Variants in FOXN3 observed in about 807,000 individuals in gnomAD.
The protein encoded by FOXN3 is forkhead box N3, also known as forkhead box protein N3.
FOXN3 carries 7 observed loss-of-function variants against 38.4 expected under a neutral mutation model. The observed-to-expected ratio is 0.18, with a 90% confidence interval of 0.10 to 0.34. The LOEUF is 0.34. FOXN3 is among the 10% of genes least tolerant of loss of function. The pLI is 1.00. For synonymous variants in FOXN3, 230 were observed against 242.2 expected (o/e 0.95, Z 0.47); for missense variants, 456 against 613.4 (o/e 0.74, Z 2.71).
intron 3 of FOXN3, among the ~76,000 whole-genome samples, chr14:89,342,363 A>C (rs973952585): frequency 1.3e-5 from 2 of 152,186 alleles, no homozygotes; most frequent in African/African-American, 4.8e-5. Context: ...CATTTAAATA[A>C]AACAACACAG....
upstream of FOXN3, among the ~76,000 whole-genome samples, chr14:89,422,162 G>A (rs1327268169): frequency 5.9e-5 from 9 of 152,324 alleles, no homozygotes; most frequent in South Asian, 2.1e-4. Flanking sequence ...ATAAGCCACC[G>A]CACCTGGCCC....
intron 2 of FOXN3, among the ~76,000 whole-genome samples, chr14:89,371,272 T>C (rs1304961527): frequency 3.3e-5 from 5 of 152,158 alleles, no homozygotes; most frequent in Admixed American, 3.3e-4. Flanking sequence ...GGGAGGGATC[T>C]CTTCTGATTT....
At chr14:89,521,358 T>TAGAGAGAGAG (rs199686142) in intron 1 of FOXN3, among the ~76,000 whole-genome samples, 1,780 of 125,000 alleles carry the variant, frequency 0.014, 37 homozygotes, top group African/African-American at 0.045. Flanking sequence ...AGATGATAGA[T>TAGAGAGAGAG]AGAGAGAGAG....
At chr14:89,401,998 C>T (rs1248684916) in intron 2 of FOXN3, among the ~76,000 whole-genome samples, 2 of 152,196 alleles carry the variant, frequency 1.3e-5, no homozygotes, top group Non-Finnish European at 2.9e-5. Context: ...CAAGCACACA[C>T]ACACACATAC....
chr14:89,352,193 T>G (rs1167157682), intron 2 of FOXN3, among the ~76,000 whole-genome samples: 1 of 152,180 alleles, frequency 6.6e-6, no homozygotes, highest in African/African-American at 2.4e-5. Context: ...TAAACATCAA[T>G]GTTCTCAGTT....
At chr14:89,464,481 C>T (rs1234670347) in intron 1 of FOXN3, among the ~76,000 whole-genome samples, 1 of 152,154 alleles carries the variant, frequency 6.6e-6, no homozygotes, top group East Asian at 1.9e-4. Flanking sequence ...TTCCAAGAAA[C>T]CTTTGCTGAG....
intron 1 of FOXN3, among the ~76,000 whole-genome samples, chr14:89,607,976 C>T (rs1896307473): frequency 9.5e-6 from 1 of 105,610 alleles, no homozygotes; most frequent in Non-Finnish European, 2.2e-5. Context: ...GCCACAACAC[C>T]CAGCTAATTT....
In FOXN3 at chr14:89,163,596, G is replaced by A. The variant is rs912710794; in HGVS notation, c.852-627C>T. Among the ~76,000 whole-genome samples, 3 of 152,164 alleles carry A rather than the reference G, an allele frequency of 2.0e-5. No homozygotes were observed. Among genetic ancestry groups the A allele is most frequent in the African/African-American group, 2.4e-5 (1 of 41,434 alleles). On this transcript the variant is annotated intron_variant, in intron 5 of 5. Transcript: ENST00000557258. The surrounding 1 kb of genome is among the most constrained non-coding windows in gnomAD (Gnocchi z 4.3). ...GATCGGATATAGACACTGCCACAGC[G>A]ATGTTGCAGCCTAACAGAGAGGCAA...
intron 1 of FOXN3, among the ~76,000 whole-genome samples, chr14:89,461,636 G>C (rs1231965643): frequency 6.6e-6 from 1 of 152,086 alleles, no homozygotes; most frequent in Non-Finnish European, 1.5e-5. Flanking sequence ...TCAAAATGTA[G>C]CACAATAACT....
Position 89,468,083 on chromosome 14 carries a change from T to G in FOXN3, c.-14-55593A>C, listed in dbSNP as rs1893017778. Among the ~76,000 whole-genome samples the G allele has an allele frequency of 3.3e-5, 5 of 152,156 alleles. No individual in the cohort carries two copies. In the South Asian group the frequency reaches 1.0e-3, roughly 32 times the overall value. Reference sequence around the variant, plus strand: ...ATCTACATAATTTGATTATTTTTTTTTTTATAAATAGGATCCCACTTTCCT... The same window carrying G: ...ATCTACATAATTTGATTATTTTTTTGTTTATAAATAGGATCCCACTTTCCT... On this transcript the variant is annotated intron_variant, in intron 1 of 6. Coordinates refer to the FOXN3 transcript ENST00000345097.
At chr14:89,354,045 CA>C (rs1193853877) in intron 2 of FOXN3, among the ~76,000 whole-genome samples, 1 of 151,862 alleles carries the variant, frequency 6.6e-6, no homozygotes, top group Non-Finnish European at 1.5e-5. Context: ...TGGAAATATG[CA>C]AAGGATAGAA....
At chr14:89,598,225 T>A (rs952988779) in intron 1 of FOXN3, among the ~76,000 whole-genome samples, 5 of 152,164 alleles carry the variant, frequency 3.3e-5, no homozygotes, top group Admixed American at 2.6e-4. Flanking sequence ...TTACCATGTA[T>A]GTTATTCCCT....
intron 4 of FOXN3, among the ~76,000 whole-genome samples, chr14:89,253,083 C>A (rs1014010912): frequency 6.6e-6 from 1 of 152,170 alleles, no homozygotes; most frequent in Non-Finnish European, 1.5e-5. Flanking sequence ...AATGCTGCCT[C>A]ATGATGGTCA....
chr14:89,284,559 C>G (rs1473624126), intron 3 of FOXN3: 4 of 455,948 alleles, frequency 8.8e-6, no homozygotes, highest in South Asian at 1.5e-5. Context: ...TTTGCTAGGA[C>G]TCTCTCCAAG....
At chr14:89,357,763 A>G (rs2140020608) in intron 2 of FOXN3, among the ~76,000 whole-genome samples, 1 of 152,346 alleles carries the variant, frequency 6.6e-6, no homozygotes, top group Middle Eastern at 3.4e-3. Flanking sequence ...AACATATACT[A>G]ACTGGGTTTG....
intron 1 of FOXN3, among the ~76,000 whole-genome samples, chr14:89,579,710 T>C (rs1416714104): frequency 6.6e-6 from 1 of 152,122 alleles, no homozygotes; most frequent in African/African-American, 2.4e-5. Flanking sequence ...GCTAGCCCCT[T>C]CCATGCAGAG....
At chr14:89,478,270 G>A (rs1893252274) in intron 1 of FOXN3, among the ~76,000 whole-genome samples, 1 of 152,192 alleles carries the variant, frequency 6.6e-6, no homozygotes, top group South Asian at 2.1e-4. Flanking sequence ...CTCAGAAGCA[G>A]ATGCCACTAT....
At chr14:89,341,637 T>C (rs1888618219) in intron 3 of FOXN3, among the ~76,000 whole-genome samples, 1 of 152,192 alleles carries the variant, frequency 6.6e-6, no homozygotes. Flanking sequence ...TATGAGACCA[T>C]CTTAGATGTG....
chr14:89,521,995 G>A (rs901428709), intron 1 of FOXN3, among the ~76,000 whole-genome samples: 3 of 150,912 alleles, frequency 2.0e-5, no homozygotes, highest in Non-Finnish European at 4.4e-5. Flanking sequence ...ACTCCAGCCT[G>A]GATGACAGAA....
Sources: gnomAD v4.1 joint callset for allele counts (sites outside exome capture counted in the v4.1 genomes callset) on GRCh38, gnomAD v4.1.1 for gene constraint, Gnocchi (gnomAD v3.1) non-coding constraint, MANE v1.5 for transcripts, NCBI Gene and HGNC (gene_info 2026-07-23, HGNC 2026-07-21) for gene names.